The following GPD2 variants were observed in gnomAD, a reference collection of about 807,000 sequenced individuals.
GPD2 encodes the protein glycerol-3-phosphate dehydrogenase 2.
A neutral mutation model predicts 82.4 loss-of-function variants in GPD2; 54 were observed. That is an observed-to-expected ratio of 0.66 (90% CI 0.53 to 0.82). GPD2 has a LOEUF of 0.82. Ranked by LOEUF, GPD2 falls within the 40% of genes least tolerant of loss-of-function variation. The pLI is 0.00. For synonymous variants in GPD2, 288 were observed against 306.1 expected (o/e 0.94, Z 0.62); for missense variants, 748 against 896.2 (o/e 0.83, Z 2.11).
chr2:156,515,415 GT>G (rs1275803565), intron 6 of GPD2, among the ~76,000 whole-genome samples: 2 of 151,932 alleles, frequency 1.3e-5, no homozygotes, highest in South Asian at 4.2e-4. Flanking sequence ...ATTAGCAAAT[GT>G]CATATCTGAA....
chr2:156,457,654 G>A (rs1212452101), intron 1 of GPD2, among the ~76,000 whole-genome samples: 2 of 152,226 alleles, frequency 1.3e-5, no homozygotes, highest in Non-Finnish European at 2.9e-5. Flanking sequence ...TGAGTGTTAA[G>A]TGTACTTGGT....
At chr2:156,492,682 G>A (rs1364872985) in intron 2 of GPD2, among the ~76,000 whole-genome samples, 4 of 151,980 alleles carry the variant, frequency 2.6e-5, no homozygotes, top group African/African-American at 4.8e-5. Flanking sequence ...TAGGGGAGAG[G>A]GAAGATACCT....
chr2:156,416,598 A>G, the GPD2 span, among the ~76,000 whole-genome samples: 1 of 151,206 alleles, frequency 6.6e-6, no homozygotes, highest in African/African-American at 2.4e-5. Context: ...CCTGGGCTCA[A>G]GCAATGCTCC....
the GPD2 span, among the ~76,000 whole-genome samples, chr2:156,407,032 G>GT: frequency 6.6e-6 from 1 of 152,106 alleles, no homozygotes; most frequent in Admixed American, 6.5e-5. Context: ...CTAACATGGT[G>GT]AAACCCCGTC....
intron 1 of GPD2, among the ~76,000 whole-genome samples, chr2:156,443,317 A>G (rs533879536): frequency 2.0e-5 from 3 of 152,330 alleles, no homozygotes; most frequent in African/African-American, 7.2e-5. Context: ...ATGGAAGATC[A>G]TGCTGGATCT....
the GPD2 span, among the ~76,000 whole-genome samples, chr2:156,423,554 A>G: frequency 6.6e-6 from 1 of 151,912 alleles, no homozygotes; most frequent in Non-Finnish European, 1.5e-5. Context: ...TTCCACATCT[A>G]TTTTCTGCTC....
rs866509791 is a variant in GPD2, at chr2:156,579,798, G to A, written c.2058+10G>A. On this transcript the variant is annotated intron_variant, in intron 16 of 16. Coordinates refer to ENST00000438166, the MANE Select transcript of GPD2 (RefSeq NM_000408.5). Reference sequence around the variant, plus strand: ...CAATGAATTTTTGCAGGTGAGTTGTGGTGAAAGGAAACAAGGATATTTGCT... The same window carrying A: ...CAATGAATTTTTGCAGGTGAGTTGTAGTGAAAGGAAACAAGGATATTTGCT... The A allele has an allele frequency of 4.7e-6, 6 of 1,276,208 alleles. No individual in the cohort carries two copies. The Middle Eastern group carries it at 5.5e-4, about 118-fold the overall frequency. The allele number at this position is 1,276,208 out of a possible 1,614,324, so 79.1% of individuals were successfully genotyped here. A position where few individuals can be genotyped will look rare whatever the true frequency, so the allele number is the denominator to read the frequency against.
chr2:156,471,228 C>T (rs1404365077), intron 1 of GPD2, among the ~76,000 whole-genome samples: 1 of 152,190 alleles, frequency 6.6e-6, no homozygotes, highest in Admixed American at 6.5e-5. Context: ...TTGTGCAAAA[C>T]ATCAGTCTCT....
chr2:156,561,330 G>A (rs1220538343), intron 9 of GPD2, among the ~76,000 whole-genome samples: 1 of 152,086 alleles, frequency 6.6e-6, no homozygotes, highest in Admixed American at 6.6e-5. Flanking sequence ...ACAGGTGTGA[G>A]CCACCGCGCC....
intron 1 of GPD2, among the ~76,000 whole-genome samples, chr2:156,462,270 A>G (rs1683013231): frequency 6.6e-6 from 1 of 151,784 alleles, no homozygotes; most frequent in Non-Finnish European, 1.5e-5. Flanking sequence ...ACCTGGTTTG[A>G]CATTCTTTTT....
At chr2:156,567,691 T>G (rs930310924) in intron 9 of GPD2, among the ~76,000 whole-genome samples, 1 of 152,134 alleles carries the variant, frequency 6.6e-6, no homozygotes, top group Non-Finnish European at 1.5e-5. Context: ...CTCCCATAGC[T>G]AAGCCATTCC....
chr2:156,411,403 C>A, the GPD2 span, among the ~76,000 whole-genome samples: 9 of 152,158 alleles, frequency 5.9e-5, no homozygotes, highest in Admixed American at 3.3e-4. Flanking sequence ...GCAACCTCCA[C>A]CTCCTGAATT....
At chr2:156,441,291 C>T (rs1401239798) in intron 1 of GPD2, among the ~76,000 whole-genome samples, 2 of 152,126 alleles carry the variant, frequency 1.3e-5, no homozygotes, top group Non-Finnish European at 2.9e-5. Flanking sequence ...GTGGCTCACA[C>T]CTGTAAGCCC....
chr2:156,549,403 G>A (rs561158575), intron 6 of GPD2, among the ~76,000 whole-genome samples: 4 of 152,302 alleles, frequency 2.6e-5, no homozygotes, highest in African/African-American at 4.8e-5. Flanking sequence ...TATGGTACAC[G>A]AAATGCACTT....
At chr2:156,413,679 C>T in the GPD2 span, among the ~76,000 whole-genome samples, 1 of 151,818 alleles carries the variant, frequency 6.6e-6, no homozygotes, top group Non-Finnish European at 1.5e-5. Flanking sequence ...CAGAGGTGGG[C>T]GGATCACCTA....
At chr2:156,492,117 T>C (rs297585) in intron 2 of GPD2, among the ~76,000 whole-genome samples, 137,209 of 140,090 alleles carry the variant, frequency 0.98, 67,265 homozygotes, top group East Asian at 1. Context: ...TGTGTTGCAT[T>C]CTCACCACCA....
At chr2:156,453,918 A>G (rs1353101333) in intron 1 of GPD2, among the ~76,000 whole-genome samples, 1 of 152,156 alleles carries the variant, frequency 6.6e-6, no homozygotes, top group Non-Finnish European at 1.5e-5. Flanking sequence ...GCAATGATGA[A>G]GACAGATGAG....
intron 1 of GPD2, among the ~76,000 whole-genome samples, chr2:156,449,657 G>C (rs1682483375): frequency 6.6e-6 from 1 of 152,096 alleles, no homozygotes; most frequent in African/African-American, 2.4e-5. Flanking sequence ...GAGTTAGTTA[G>C]TCTGTTTTGG....
Position 156,496,229 on chromosome 2 carries a change from T to A in GPD2, c.274+14T>A. ...CTGTCACCAGAGGTAAGTCTTTTTT[T>A]TTTTTATTTTAATTTTAAGTTCTGG... On this transcript the variant is annotated intron_variant, in intron 3 of 16. Transcript: ENST00000438166. 1.3e-6 allele frequency: 2 copies of A among 1,584,674 alleles called. No homozygotes were observed. The highest frequency in any genetic ancestry group is 1.7e-6 in the Non-Finnish European group (2 of 1,155,188).
Sources: allele counts gnomAD v4.1 joint callset (sites outside exome capture counted in the v4.1 genomes callset), GRCh38; gene constraint gnomAD v4.1.1; transcripts MANE v1.5; gene names NCBI Gene and HGNC (gene_info 2026-07-23, HGNC 2026-07-21).